POU6F2: variants seen among roughly 807,000 people sequenced by gnomAD.
POU6F2 encodes the protein POU class 6 homeobox 2.
A neutral mutation model predicts 71.3 loss-of-function variants in POU6F2; 31 were observed. The ratio of observed to expected loss-of-function variants is 0.43; its 90% CI spans 0.33 to 0.59. The LOEUF (loss-of-function observed/expected upper bound fraction) is 0.59, where lower values mean the gene tolerates loss of function less well. Ranked by LOEUF, POU6F2 falls within the 20% of genes least tolerant of loss-of-function variation. The pLI is 0.04. For missense variants in POU6F2, 783 were observed against 856.8 expected, an observed-to-expected ratio of 0.91 and a Z score of 1.07; for synonymous variants, 347 against 355.7, an observed-to-expected ratio of 0.98 and a Z score of 0.27.
chr7:39,143,494 C>A (rs1169130311), intron 2 of POU6F2, among the ~76,000 whole-genome samples: 2 of 152,200 alleles, frequency 1.3e-5, no homozygotes, highest in African/African-American at 2.4e-5. Flanking sequence ...ATAGAGAATT[C>A]TAAATTTATT....
intron 2 of POU6F2, among the ~76,000 whole-genome samples, chr7:39,186,292 G>A (rs1049960684): frequency 6.6e-6 from 1 of 152,162 alleles, no homozygotes; most frequent in African/African-American, 2.4e-5. Context: ...GAGCTACTGG[G>A]AATGGAGTGC....
intron 3 of POU6F2, among the ~76,000 whole-genome samples, chr7:39,205,803 A>T (rs1262011552): frequency 2.6e-5 from 4 of 152,190 alleles, no homozygotes; most frequent in Non-Finnish European, 5.9e-5. Context: ...AGGGCTCTGC[A>T]GAGTCTCCCC....
chr7:39,342,187 T>TATA (rs11268662), intron 5 of POU6F2, among the ~76,000 whole-genome samples: 16,845 of 151,896 alleles, frequency 0.11, 1,179 homozygotes, highest in Non-Finnish European at 0.15. Context: ...ACTGAGAAGA[T>TATA]GTTAAACAAA....
intron 7 of POU6F2, among the ~76,000 whole-genome samples, chr7:39,449,719 T>C (rs941717422): frequency 6.6e-6 from 1 of 152,138 alleles, no homozygotes; most frequent in Admixed American, 6.5e-5. Flanking sequence ...AACAGATGAA[T>C]TCATGAACAA....
intron 7 of POU6F2, among the ~76,000 whole-genome samples, chr7:39,439,058 T>C (rs1021047810): frequency 3.3e-5 from 5 of 152,236 alleles, no homozygotes; most frequent in African/African-American, 1.2e-4. Context: ...GGTACATATA[T>C]GTTTAGAATA....
chr7:39,313,425 A>G (rs879401447), intron 4 of POU6F2, among the ~76,000 whole-genome samples: 1 of 151,944 alleles, frequency 6.6e-6, no homozygotes, highest in Non-Finnish European at 1.5e-5. Context: ...AGCTTACTCT[A>G]TCTTTACATA....
At chr7:39,196,684 A>C (rs1254442078) in intron 2 of POU6F2, among the ~76,000 whole-genome samples, 1 of 152,100 alleles carries the variant, frequency 6.6e-6, no homozygotes, top group African/African-American at 2.4e-5. Flanking sequence ...GCTTGAACCC[A>C]GGAGATGGAA....
intron 1 of POU6F2, among the ~76,000 whole-genome samples, chr7:39,007,695 G>A (rs1046783171): frequency 6.6e-6 from 1 of 150,912 alleles, no homozygotes; most frequent in Non-Finnish European, 1.5e-5. Flanking sequence ...CCCCACCACA[G>A]TCCCCAGAGT....
intron 2 of POU6F2, among the ~76,000 whole-genome samples, chr7:39,093,660 A>C (rs1791398210): frequency 6.6e-6 from 1 of 151,788 alleles, no homozygotes; most frequent in Non-Finnish European, 1.5e-5. Flanking sequence ...TATTAATGAG[A>C]AAAAAAGCAT....
rs796966013 is a variant in POU6F2, at chr7:39,301,949, GA to G, written c.599-37682del. Among the ~76,000 whole-genome samples the G allele has an allele frequency of 1.2e-3, 179 of 143,648 alleles. 1 individual carries two copies. Among genetic ancestry groups the G allele is most frequent in the African/African-American group, 2.6e-3 (104 of 39,422 alleles). 94.2% of individuals were successfully genotyped at this position (143,648 alleles called of 152,430 possible). On this transcript the variant is annotated intron_variant, in intron 4 of 9. Coordinates refer to ENST00000518318, the MANE Select transcript of POU6F2 (RefSeq NM_001370959.1). The stretch of plus-strand genomic sequence containing the variant: ...TCTACAAAGCTAATGTTTCTCAGGG[GA>G]AAAAAAAAAAGAATTCTTCCTCTTT...
At chr7:39,062,533 A>G (rs1250072074) in intron 1 of POU6F2, among the ~76,000 whole-genome samples, 3 of 151,322 alleles carry the variant, frequency 2.0e-5, no homozygotes, top group African/African-American at 7.3e-5. Flanking sequence ...GAAGGTTGCC[A>G]CAACAGCACC....
intron 6 of POU6F2, among the ~76,000 whole-genome samples, chr7:39,422,437 G>T (rs2115975370): frequency 6.6e-6 from 1 of 152,262 alleles, no homozygotes; most frequent in South Asian, 2.1e-4. Context: ...TATCTCATGT[G>T]CCCTTGTTAT....
intron 5 of POU6F2, among the ~76,000 whole-genome samples, chr7:39,384,207 T>C (rs1201710511): frequency 6.6e-6 from 1 of 152,208 alleles, no homozygotes; most frequent in Non-Finnish European, 1.5e-5. Context: ...TTATTGGTCG[T>C]GGCTCATAAA....
At chr7:39,426,220 C>T (rs940055904) in intron 6 of POU6F2, among the ~76,000 whole-genome samples, 2 of 152,194 alleles carry the variant, frequency 1.3e-5, no homozygotes, top group African/African-American at 4.8e-5. Flanking sequence ...CAGAAGGCTT[C>T]CTGCTCTCTG....
chr7:39,362,166 T>A lies in POU6F2; in HGVS notation c.972+22151T>A, dbSNP rs1393503453. Reference sequence around the variant, plus strand: ...ACAAAATTATAATCTAGTCTTAAATTGCTCAAAAAGCATCTACTAAAATAC... The same window carrying A: ...ACAAAATTATAATCTAGTCTTAAATAGCTCAAAAAGCATCTACTAAAATAC... On this transcript the variant is annotated intron_variant, in intron 5 of 9. Transcript: ENST00000518318. 2.6e-5 allele frequency among the ~76,000 whole-genome samples: 4 copies of A among 152,144 alleles called. No individual in the cohort carries two copies. The East Asian group carries it at 7.7e-4, about 29-fold the overall frequency.
intron 7 of POU6F2, among the ~76,000 whole-genome samples, chr7:39,442,252 C>T (rs1788423511): frequency 1.3e-5 from 2 of 152,148 alleles, no homozygotes; most frequent in African/African-American, 4.8e-5. Flanking sequence ...CTTCATGGAG[C>T]TTATGGGGTA....
intron 5 of POU6F2, among the ~76,000 whole-genome samples, chr7:39,387,931 G>A (rs894031172): frequency 2.0e-5 from 3 of 152,028 alleles, no homozygotes; most frequent in Non-Finnish European, 2.9e-5. Context: ...CTCCTGCCTC[G>A]AGCAGTCATC....
chr7:39,242,722 C>G (rs972355831), intron 4 of POU6F2, among the ~76,000 whole-genome samples: 7 of 152,174 alleles, frequency 4.6e-5, no homozygotes, highest in Non-Finnish European at 5.9e-5. Flanking sequence ...AGACACTGAA[C>G]AGAGAAAACA....
chr7:39,116,566 A>C (rs1449858542), intron 2 of POU6F2, among the ~76,000 whole-genome samples: 2 of 152,178 alleles, frequency 1.3e-5, no homozygotes, highest in African/African-American at 4.8e-5. Context: ...AGGGAGGCTA[A>C]CTGTTTAATA....
Sources: allele counts gnomAD v4.1 joint callset (sites outside exome capture counted in the v4.1 genomes callset), GRCh38; gene constraint gnomAD v4.1.1; transcripts MANE v1.5; gene names NCBI Gene and HGNC (gene_info 2026-07-23, HGNC 2026-07-21).